ANK3: variants seen among roughly 807,000 people sequenced by gnomAD.
ANK3 encodes the protein ankyrin-3.
In ANK3, 57 loss-of-function variants were observed where a neutral mutation model predicts 370.9. The observed-to-expected ratio is 0.15, with a 90% CI of 0.12 to 0.19. The LOEUF is 0.19. ANK3 is among the 10% of genes least tolerant of loss of function. The pLI is 1.00. For missense variants in ANK3, 4,439 were observed against 5,302.1 expected (o/e 0.84, Z 5.06); for synonymous variants, 1,929 against 1,946.3 (o/e 0.99, Z 0.23).
At chr10:60,522,976 A>T (rs537669718) in intron 2 of ANK3, among the ~76,000 whole-genome samples, 3 of 152,084 alleles carry the variant, frequency 2.0e-5, no homozygotes, top group Non-Finnish European at 4.4e-5. Context: ...GATAAAATTT[A>T]TTTGCCTATC....
At chr10:60,221,504 A>G (rs1483018934) in intron 8 of ANK3, among the ~76,000 whole-genome samples, 2 of 152,220 alleles carry the variant, frequency 1.3e-5, no homozygotes, top group African/African-American at 4.8e-5. Flanking sequence ...TTGTCACCCC[A>G]TGGTCAGTCA....
At position 60,082,140 on chromosome 10, in the gene ANK3, T is replaced by A. The variant is rs764364932; in HGVS notation, c.4350+10A>T. ...TTCTGATAGAATAAAAGCAGAAGTG[T>A]TTATATTACCTCATCATCTTGATCT... is the stretch of plus-strand genomic sequence containing the variant. On this transcript the variant is annotated intron_variant, in intron 35 of 43. Coordinates refer to ENST00000280772, the MANE Select transcript of ANK3 (RefSeq NM_020987.5). 6.2e-7 allele frequency: 1 copy of A among 1,607,082 alleles called. No homozygotes were observed. Among genetic ancestry groups the A allele is most frequent in the Non-Finnish European group, 8.5e-7 (1 of 1,175,744 alleles).
At chr10:60,043,837 C>T (rs2076517822) in intron 42 of ANK3, 3 of 984,954 alleles carry the variant, frequency 3.0e-6, no homozygotes, top group Non-Finnish European at 3.6e-6. Context: ...ATTCTGTCCC[C>T]TATAAATGAC....
chr10:60,360,999 C>A (rs1327033075), intron 1 of ANK3, among the ~76,000 whole-genome samples: 3 of 151,990 alleles, frequency 2.0e-5, no homozygotes, highest in Admixed American at 6.6e-5. Flanking sequence ...TTATTAAAAA[C>A]AATAGACCAG....
chr10:60,308,413 CTACAGGCGTGCACCA>C (rs1271893609), intron 1 of ANK3, among the ~76,000 whole-genome samples: 6 of 149,592 alleles, frequency 4.0e-5, no homozygotes, highest in African/African-American at 1.5e-4. Flanking sequence ...GTAGCTGGGA[CTACAGGCGTGCACCA>C]GCACGCCTGG....
intron 1 of ANK3, among the ~76,000 whole-genome samples, chr10:60,619,563 G>C (rs538936700): frequency 1.1e-3 from 165 of 152,286 alleles, no homozygotes; most frequent in Admixed American, 1.7e-3. Flanking sequence ...CTTGACTCCT[G>C]TCTTGACATT....
At chr10:60,149,466 C>G (rs546633456) in intron 23 of ANK3, among the ~76,000 whole-genome samples, 1 of 152,058 alleles carries the variant, frequency 6.6e-6, no homozygotes, top group South Asian at 2.1e-4. Context: ...TTGTTTGGGG[C>G]AAATAAAAAA....
rs184187511 is a variant in ANK3 at position 60,197,942 on chromosome 10, A to G, written c.1689+398T>C. Among the ~76,000 whole-genome samples the G allele has an allele frequency of 3.3e-5, 5 of 152,352 alleles. No individual in the cohort carries two copies. In the East Asian group the frequency reaches 9.6e-4, roughly 29 times the overall value. ...AGAACAAACAAAAACAACCCCAAGA[A>G]AAATTCACTGCCAGTTTTGCAAGTA... On this transcript the variant is annotated intron_variant, in intron 14 of 43. Coordinates refer to ENST00000280772, the MANE Select transcript of ANK3 (RefSeq NM_020987.5).
At chr10:60,521,578 G>C (rs959102547) in intron 2 of ANK3, among the ~76,000 whole-genome samples, 4 of 152,078 alleles carry the variant, frequency 2.6e-5, no homozygotes, top group African/African-American at 9.7e-5. Context: ...ACCTTTGTAA[G>C]ACCCATAGGT....
chr10:60,122,586 T>C (rs1210477933), intron 25 of ANK3, among the ~76,000 whole-genome samples: 1 of 152,248 alleles, frequency 6.6e-6, no homozygotes, highest in African/African-American at 2.4e-5. Context: ...ATTACTCAAC[T>C]TTTTTCAGTC....
chr10:60,704,303 TTTTA>T (rs1192017231), intron 1 of ANK3, among the ~76,000 whole-genome samples: 1 of 152,190 alleles, frequency 6.6e-6, no homozygotes, highest in African/African-American at 2.4e-5. Context: ...TCCATATCAG[TTTTA>T]TTTCTCTTTT....
Position 60,086,873 on chromosome 10 carries a change from A to G in ANK3, c.3552T>C (p.Val1184=). The change falls in exon 30 of 44, where the codon GTT becomes GTC. Residue 1184 remains valine (V), a synonymous_variant. Transcript: ENST00000280772. The part of the protein sequence containing the change: ...RIRVGLQAQP[V]PDEIVKKILG... ...GGATCTTTTTCACAATTTCATCTGG[A>G]ACAGGCTGGGCCTAGAGACAGAGAA... is the stretch of plus-strand genomic sequence containing the variant. 6.2e-7 allele frequency: 1 copy of G among 1,613,370 alleles called. No homozygotes were observed. Among genetic ancestry groups the G allele is most frequent in the Non-Finnish European group, 8.5e-7 (1 of 1,179,880 alleles).
At chr10:60,224,162 A>C (rs1372349309) in intron 8 of ANK3, among the ~76,000 whole-genome samples, 2 of 152,176 alleles carry the variant, frequency 1.3e-5, no homozygotes, top group African/African-American at 4.8e-5. Context: ...GCAGTTGGAC[A>C]GGAGAGAATG....
At chr10:60,559,704 G>A (rs2133246474) in intron 2 of ANK3, among the ~76,000 whole-genome samples, 1 of 152,184 alleles carries the variant, frequency 6.6e-6, no homozygotes, top group East Asian at 1.9e-4. Context: ...TCGACCACAA[G>A]CCCATGATTA....
intron 41 of ANK3, 94 bp from the exon 42 acceptor site, chr10:60,056,130 A>G (rs2079112433): frequency 7.3e-7 from 1 of 1,370,194 alleles, no homozygotes. Context: ...TCTTTTGCCT[A>G]CTTCTGAAGG....
chr10:60,334,844 G>A (rs1328020803), intron 1 of ANK3, among the ~76,000 whole-genome samples: 5 of 151,976 alleles, frequency 3.3e-5, no homozygotes, highest in African/African-American at 1.2e-4. Context: ...GGACTCCATG[G>A]GACAAATTCA....
At chr10:60,050,335 C>T (rs1010342560) in intron 42 of ANK3, among the ~76,000 whole-genome samples, 4 of 152,206 alleles carry the variant, frequency 2.6e-5, no homozygotes, top group Admixed American at 6.5e-5. Flanking sequence ...ATTTAGACAA[C>T]GATTTATTTT....
At chr10:60,695,136 C>T (rs1014880960) in intron 1 of ANK3, among the ~76,000 whole-genome samples, 2 of 151,796 alleles carry the variant, frequency 1.3e-5, no homozygotes, top group African/African-American at 4.8e-5. Context: ...CAACAAAGAT[C>T]AAAAGAGACA....
intron 23 of ANK3, chr10:60,141,086 G>A: frequency 1.1e-6 from 1 of 939,508 alleles, no homozygotes; most frequent in Non-Finnish European, 1.3e-6. Context: ...AGAGAGGGAG[G>A]GCCTGCCCTT....
Sources: allele counts gnomAD v4.1 joint callset (sites outside exome capture counted in the v4.1 genomes callset), GRCh38; gene constraint gnomAD v4.1.1; transcripts MANE v1.5; gene names NCBI Gene and HGNC (gene_info 2026-07-23, HGNC 2026-07-21).